VPS26C: variants seen among roughly 807,000 people sequenced by gnomAD.
The protein encoded by VPS26C is VPS26 endosomal protein sorting factor C.
A neutral mutation model predicts 30.6 loss-of-function variants in VPS26C; 19 were observed. The ratio of observed to expected loss-of-function variants is 0.62; its 90% confidence interval spans 0.43 to 0.91. VPS26C has a LOEUF of 0.91. Ranked by LOEUF, VPS26C falls within the 40% of genes least tolerant of loss-of-function variation. The probability of loss-of-function intolerance (pLI) is 0.00; values close to 1 mark genes in which losing one functional copy is unlikely to be tolerated. For synonymous variants in VPS26C, 132 were observed against 151.5 expected, an observed-to-expected ratio of 0.87 and a Z score of 0.95; for missense variants, 318 against 385.1, an observed-to-expected ratio of 0.83 and a Z score of 1.46.
At chr21:37,241,366 G>A (rs1021421389) in intron 1 of VPS26C, among the ~76,000 whole-genome samples, 7 of 152,148 alleles carry the variant, frequency 4.6e-5, no homozygotes, top group Admixed American at 2.6e-4. Flanking sequence ...AATAGATTAC[G>A]GATAGTAACT....
rs1322585424 is a variant in VPS26C, at chr21:37,244,146, TC to T, written c.58-3508del. On this transcript the variant is annotated intron_variant, in intron 1 of 7. Transcript: ENST00000309117. Reference sequence around the variant, plus strand: ...CAAAGAGCCGCCTGGAAACAAGCATTCCAAAGGCTACTGGCCACCTTGCTCT... The same window carrying T: ...CAAAGAGCCGCCTGGAAACAAGCATTCAAAGGCTACTGGCCACCTTGCTCT... 2.0e-5 allele frequency among the ~76,000 whole-genome samples: 3 copies of T among 152,306 alleles called. No homozygotes were observed. The East Asian group carries it at 5.8e-4, about 29-fold the overall frequency.
At chr21:37,229,771 C>T (rs2085942531) in intron 5 of VPS26C, among the ~76,000 whole-genome samples, 1 of 152,198 alleles carries the variant, frequency 6.6e-6, no homozygotes, top group Non-Finnish European at 1.5e-5. Flanking sequence ...CCTGATCAGG[C>T]AGTGAAGCTC....
intron 4 of VPS26C, chr21:37,232,709 T>C (rs532825582): frequency 2.1e-4 from 118 of 570,050 alleles, no homozygotes; most frequent in African/African-American, 2.0e-3. Flanking sequence ...AATTTTAAAA[T>C]CAGATCTAAG....
chr21:37,267,335 G>T, upstream of VPS26C: 2 of 1,590,526 alleles, frequency 1.3e-6, no homozygotes, highest in Admixed American at 3.3e-5. Flanking sequence ...GGCTGCGCGT[G>T]ACCCCAGGGA....
intron 1 of VPS26C, among the ~76,000 whole-genome samples, chr21:37,242,934 T>G (rs941257697): frequency 1.3e-5 from 2 of 152,174 alleles, no homozygotes; most frequent in African/African-American, 4.8e-5. Context: ...AAATACAAAA[T>G]TAACATTTGT....
chr21:37,227,464 A>G, intron 7 of VPS26C, 190 bp downstream of exon 7: 1 of 636,056 alleles, frequency 1.6e-6, no homozygotes, highest in East Asian at 2.8e-5. Flanking sequence ...TGTGCGGCAC[A>G]GCAGCTCCTT....
Position 37,227,701 on chromosome 21 carries a change from G to C in VPS26C, c.764C>G (p.Pro255Arg). ...CAGTGTAGGGCAGGTGAACAGCCTA[G>C]GGAAGACCATGTAGATGGGGACAGA... ...GLSVPIYMVF[P>R]RLFTCPTLET... is the part of the protein sequence containing the mutation. The change falls in exon 7 of 8, where the codon CCT becomes CGT. Residue 255 changes from proline (P) to arginine (R), a missense_variant. By Grantham distance (103) the Pro-to-Arg change is moderately radical. Coordinates refer to ENST00000309117, the MANE Select transcript of VPS26C (RefSeq NM_006052.2). The C allele has an allele frequency of 6.2e-7, 1 of 1,614,164 alleles. No individual in the cohort carries two copies. The highest frequency in any genetic ancestry group is 1.1e-5 in the South Asian group (1 of 91,080).
rs575276995 is a variant in VPS26C at position 37,238,487 on chromosome 21, C to T, written c.324G>A (p.Thr108=). ...GAATGTTGACAAACACGCCATGATACGTCTCATACAGAACTTTGTTACCCT... is the reference window on the plus strand; with the variant it reads ...GAATGTTGACAAACACGCCATGATATGTCTCATACAGAACTTTGTTACCCT... ...HLKGNKVLYE[T]YHGVFVNIQY... The change falls in exon 3 of 8, where the codon ACG becomes ACA. Residue 108 remains threonine, a synonymous_variant. Transcript: ENST00000309117. 37 of 1,614,092 alleles carry T rather than the reference C, an allele frequency of 2.3e-5. 1 individual carries two copies. The highest frequency in any genetic ancestry group is 8.9e-5 in the East Asian group (4 of 44,874).
In VPS26C at chr21:37,243,245, C is replaced by T. The variant is rs1182318138; in HGVS notation, c.58-2606G>A. On this transcript the variant is annotated intron_variant, in intron 1 of 7. Coordinates refer to ENST00000309117, the MANE Select transcript of VPS26C (RefSeq NM_006052.2). ...TTATGGCTCCAGATAGTACTAATAC[C>T]TCGTCCAACATCACAAGCAGAGGCC... 2.6e-5 allele frequency among the ~76,000 whole-genome samples: 4 copies of T among 152,216 alleles called. 1 individual carries two copies. The South Asian group carries it at 8.3e-4, about 32-fold the overall frequency.
chr21:37,248,764 T>C (rs114521829), intron 1 of VPS26C, among the ~76,000 whole-genome samples: 3,031 of 144,214 alleles, frequency 0.021, 105 homozygotes, highest in African/African-American at 0.074. Flanking sequence ...AAGACAAAAG[T>C]CTACACACTC....
intron 1 of VPS26C, among the ~76,000 whole-genome samples, chr21:37,243,947 G>A (rs1159776835): frequency 2.0e-5 from 3 of 152,178 alleles, no homozygotes; most frequent in Non-Finnish European, 4.4e-5. Context: ...TCTTTGGCTC[G>A]AGTCAGCTCT....
At chr21:37,265,814 G>A (rs1247458961) in intron 1 of VPS26C, among the ~76,000 whole-genome samples, 2 of 151,674 alleles carry the variant, frequency 1.3e-5, no homozygotes, top group African/African-American at 2.4e-5. Context: ...AATGTCAGTC[G>A]TCTCATTAGT....
intron 3 of VPS26C, among the ~76,000 whole-genome samples, chr21:37,236,750 T>G (rs4817859): frequency 0.17 from 26,192 of 152,156 alleles, 2,829 homozygotes; most frequent in Non-Finnish European, 0.23. Flanking sequence ...GGTGAGATAG[T>G]TGGGGAGGTA....
upstream of VPS26C, chr21:37,267,353 G>A (rs970187356): frequency 6.6e-6 from 10 of 1,505,440 alleles, no homozygotes; most frequent in Middle Eastern, 1.7e-4. Flanking sequence ...GGAAACAAGG[G>A]GCGCCTCCCC....
chr21:37,260,956 A>G (rs981243925), intron 1 of VPS26C: 1 of 152,220 alleles, frequency 6.6e-6, no homozygotes, highest in Non-Finnish European at 1.5e-5. Flanking sequence ...TTTCTGATCA[A>G]TGCATTTATA....
chr21:37,228,547 G>A (rs564867940), intron 5 of VPS26C, 174 bp from the exon 6 acceptor site: 9 of 641,140 alleles, frequency 1.4e-5, no homozygotes, highest in African/African-American at 7.3e-5. Flanking sequence ...GACATTAGCC[G>A]GCTGAATTAT....
chr21:37,245,212 T>A (rs986334787), intron 1 of VPS26C, among the ~76,000 whole-genome samples: 1 of 151,982 alleles, frequency 6.6e-6, no homozygotes, highest in Non-Finnish European at 1.5e-5. Flanking sequence ...GAAATACGAG[T>A]GGCAGATGAA....
chr21:37,243,410 C>A (rs1386375108), intron 1 of VPS26C, among the ~76,000 whole-genome samples: 2 of 152,102 alleles, frequency 1.3e-5, no homozygotes, highest in Non-Finnish European at 2.9e-5. Context: ...GGAGGAGGCG[C>A]CTGGCCTGGG....
chr21:37,246,463 A>G (rs1012830456), intron 1 of VPS26C, among the ~76,000 whole-genome samples: 5 of 152,144 alleles, frequency 3.3e-5, no homozygotes, highest in African/African-American at 7.2e-5. Flanking sequence ...AAGCAATACT[A>G]TATAAAAGTC....
Sources: gnomAD v4.1 joint callset for allele counts (sites outside exome capture counted in the v4.1 genomes callset) on GRCh38, gnomAD v4.1.1 for gene constraint, MANE v1.5 for transcripts, NCBI Gene and HGNC (gene_info 2026-07-23, HGNC 2026-07-21) for gene names.